Variants in TMEM114 observed in about 807,000 individuals in gnomAD.
TMEM114 encodes the protein claudin-26.
Under a neutral mutation model 6.2 loss-of-function variants are expected in TMEM114, and 6 were observed. The observed-to-expected ratio is 0.97, with a 90% confidence interval of 0.53 to 1.91. TMEM114 has a LOEUF of 1.91. Among genes scored for constraint, TMEM114 ranks in the 40% most tolerant of loss-of-function variants. The pLI is 0.01. For missense variants in TMEM114, 218 were observed against 158.3 expected (o/e 1.38, Z -2.02); for synonymous variants, 104 against 73.0 (o/e 1.42, Z -2.16).
chr16:8,532,653 A>G (rs1054498667), downstream of TMEM114, among the ~76,000 whole-genome samples: 3 of 152,246 alleles, frequency 2.0e-5, no homozygotes, highest in Admixed American at 2.0e-4. Context: ...GGCCAGGCAC[A>G]GTGGCTCACG....
At chr16:8,554,005 A>C (rs1443951325) in intron 2 of TMEM114, among the ~76,000 whole-genome samples, 1 of 151,866 alleles carries the variant, frequency 6.6e-6, no homozygotes, top group African/African-American at 2.4e-5. Context: ...CAGCCGCCTG[A>C]ATAGCTGGGA....
intron 2 of TMEM114, among the ~76,000 whole-genome samples, chr16:8,542,940 T>G (rs1900557840): frequency 6.6e-6 from 1 of 152,220 alleles, no homozygotes; most frequent in African/African-American, 2.4e-5. Flanking sequence ...TATCATCTCC[T>G]ATATATTTGA....
chr16:8,559,317 A>G (rs1452116386), intron 2 of TMEM114, among the ~76,000 whole-genome samples: 1 of 152,230 alleles, frequency 6.6e-6, no homozygotes, highest in Non-Finnish European at 1.5e-5. Context: ...CGCTGGGATT[A>G]TAGGCGTGAG....
At chr16:8,566,122 G>A (rs1901534700), downstream of TMEM114, among the ~76,000 whole-genome samples, 1 of 152,170 alleles carries the variant, frequency 6.6e-6, no homozygotes, top group Admixed American at 6.5e-5. Flanking sequence ...TGTAATCCCA[G>A]CACTTTGGGA....
intron 2 of TMEM114, among the ~76,000 whole-genome samples, chr16:8,554,797 G>A (rs1900954448): frequency 6.6e-6 from 1 of 152,152 alleles, no homozygotes; most frequent in Non-Finnish European, 1.5e-5. Context: ...CTTATGCAAC[G>A]GCCACAACAA....
chr16:8,550,803 G>T (rs1232881652), intron 2 of TMEM114, among the ~76,000 whole-genome samples: 1 of 151,552 alleles, frequency 6.6e-6, no homozygotes, highest in Non-Finnish European at 1.5e-5. Flanking sequence ...ATCCACACAT[G>T]CTTGTGGCTG....
chr16:8,539,251 C>T (rs1036260580), intron 2 of TMEM114, among the ~76,000 whole-genome samples: 3 of 152,028 alleles, frequency 2.0e-5, no homozygotes, highest in African/African-American at 7.3e-5. Context: ...CTGATATAAT[C>T]TTGAATTCCA....
intron 1 of TMEM114, 127 bp downstream of exon 1, chr16:8,589,492 G>A (rs1055680058): frequency 2.5e-4 from 101 of 398,150 alleles, no homozygotes; most frequent in African/African-American, 1.8e-3. Flanking sequence ...TTCCCCCCGA[G>A]TCCCTAGACA....
chr16:8,564,076 CATGA>C (rs1331747173), intron 2 of TMEM114, among the ~76,000 whole-genome samples: 3 of 123,766 alleles, frequency 2.4e-5, no homozygotes, highest in Middle Eastern at 6.6e-3. Context: ...TGAGTGAGTG[CATGA>C]ATGAGTGAGT....
chr16:8,547,582 A>T (rs2141655256), intron 2 of TMEM114, among the ~76,000 whole-genome samples: 1 of 152,146 alleles, frequency 6.6e-6, no homozygotes, highest in Middle Eastern at 3.4e-3. Flanking sequence ...TAGTAGAGAC[A>T]GGGTTTCACC....
rs1226946001 is a variant in TMEM114 at position 8,590,072 on chromosome 16, A to G, written c.-234T>C. 1 of 364,878 alleles carries G rather than the reference A, an allele frequency of 2.7e-6. No homozygotes were observed. The allele number at this position is 364,878 out of a possible 1,614,324, so 22.6% of individuals were successfully genotyped here. On this transcript the variant is annotated 5_prime_UTR_variant, in exon 1 of 4. Transcript: ENST00000620492. ...CCGCTCAGCCGCCGTCCACGTTCCC[A>G]CCCCTCCAATGCCAGCTCTACCTGC... is the stretch of plus-strand genomic sequence containing the variant.
chr16:8,567,252 G>C (rs781488302), downstream of TMEM114, among the ~76,000 whole-genome samples: 1 of 152,018 alleles, frequency 6.6e-6, no homozygotes, highest in Non-Finnish European at 1.5e-5. Flanking sequence ...ATCACTGTCT[G>C]AATCTCTCAG....
downstream of TMEM114, among the ~76,000 whole-genome samples, chr16:8,565,136 G>C (rs1407095616): frequency 6.7e-6 from 1 of 149,996 alleles, no homozygotes; most frequent in Non-Finnish European, 1.5e-5. Flanking sequence ...TAAGCAAATG[G>C]ATGGATAATG....
At chr16:8,531,491 G>GT in the TMEM114 span, among the ~76,000 whole-genome samples, 2 of 152,294 alleles carry the variant, frequency 1.3e-5, no homozygotes, top group Non-Finnish European at 2.9e-5. Context: ...AGCCATGTTG[G>GT]TTTTCTTCAA....
downstream of TMEM114, among the ~76,000 whole-genome samples, chr16:8,534,670 G>A (rs1596462387): frequency 6.6e-6 from 1 of 152,196 alleles, no homozygotes. Context: ...CAATATGGTG[G>A]TTGTTACTGA....
chr16:8,590,088 C>G lies in TMEM114; in HGVS notation c.-250G>C, dbSNP rs1902438087. The stretch of plus-strand genomic sequence containing the variant: ...CACGTTCCCACCCCTCCAATGCCAG[C>G]TCTACCTGCAGACCCCCTCACTCTC... On this transcript the variant is annotated 5_prime_UTR_variant, in exon 1 of 4. Coordinates refer to ENST00000620492, the MANE Select transcript of TMEM114 (RefSeq NM_001146336.2). The G allele has an allele frequency of 2.7e-6, 1 of 365,898 alleles. No homozygotes were observed. Among genetic ancestry groups the G allele is most frequent in the Admixed American group, 4.6e-5 (1 of 21,520 alleles). The allele number at this position is 365,898 out of a possible 1,614,324, so 22.7% of individuals were successfully genotyped here.
At chr16:8,553,585 A>T (rs1389595500) in intron 2 of TMEM114, among the ~76,000 whole-genome samples, 2 of 152,074 alleles carry the variant, frequency 1.3e-5, no homozygotes, top group East Asian at 3.9e-4. Context: ...TCCTGGGTTC[A>T]CGCCATTCTC....
intron 2 of TMEM114, among the ~76,000 whole-genome samples, chr16:8,552,435 A>C (rs911750486): frequency 6.6e-6 from 1 of 151,970 alleles, no homozygotes; most frequent in African/African-American, 2.4e-5. Context: ...AGCTCCTTTG[A>C]GGTGATTGAA....
downstream of TMEM114, among the ~76,000 whole-genome samples, chr16:8,567,464 C>A (rs559366368): frequency 3.2e-4 from 48 of 152,310 alleles, no homozygotes; most frequent in Non-Finnish European, 6.5e-4. Flanking sequence ...CTGAGGTGCA[C>A]ACATGTTTTG....
Sources: allele counts gnomAD v4.1 joint callset (sites outside exome capture counted in the v4.1 genomes callset), GRCh38; gene constraint gnomAD v4.1.1; transcripts MANE v1.5; gene names NCBI Gene and HGNC (gene_info 2026-07-23, HGNC 2026-07-21).